The following EIPR1 variants were observed in gnomAD, a reference collection of about 807,000 sequenced individuals.
EIPR1 encodes the protein EARP complex and GARP complex interacting protein 1, also known as EARP and GARP complex-interacting protein 1.
In EIPR1, 25 loss-of-function variants were observed where a neutral mutation model predicts 48.1. That is an observed-to-expected ratio of 0.52 (90% CI 0.38 to 0.73). The LOEUF (loss-of-function observed/expected upper bound fraction) is 0.73. Among genes scored for constraint, EIPR1 ranks in the 30% least tolerant of loss-of-function variants. The pLI, the probability that EIPR1 is intolerant of heterozygous loss-of-function variation, is 0.00. For synonymous variants in EIPR1, 204 were observed against 201.9 expected, an observed-to-expected ratio of 1.01 and a Z score of -0.09; for missense variants, 415 against 506.2, an observed-to-expected ratio of 0.82 and a Z score of 1.73.
At chr2:3,329,140 T>C in intron 3 of EIPR1, among the ~76,000 whole-genome samples, 1 of 139,736 alleles carries the variant, frequency 7.2e-6, no homozygotes. Flanking sequence ...CAGCCTGGGC[T>C]CCCCTGAATC....
At chr2:3,318,829 T>C (rs1224054731) in intron 3 of EIPR1, 2 of 470,296 alleles carry the variant, frequency 4.3e-6, no homozygotes, top group Non-Finnish European at 4.4e-6. Context: ...GGAGGGGTGC[T>C]TGTTTACATA....
chr2:3,368,223 G>A (rs942403969), intron 1 of EIPR1, among the ~76,000 whole-genome samples: 1 of 152,086 alleles, frequency 6.6e-6, no homozygotes, highest in African/African-American at 2.4e-5. Context: ...CTGATCTCAG[G>A]ACTCCAGGAG....
chr2:3,246,833 GA>G (rs1666820401), intron 4 of EIPR1, among the ~76,000 whole-genome samples: 1 of 47,514 alleles, frequency 2.1e-5, no homozygotes, highest in Non-Finnish European at 4.0e-5. Flanking sequence ...GGAAGGGAGG[GA>G]AGGAGGAAGG....
chr2:3,230,033 T>A (rs1347020334), intron 4 of EIPR1, among the ~76,000 whole-genome samples: 1 of 152,226 alleles, frequency 6.6e-6, no homozygotes, highest in Non-Finnish European at 1.5e-5. Context: ...TCCCCATCCA[T>A]GAACACTGAA....
intron 3 of EIPR1, among the ~76,000 whole-genome samples, chr2:3,270,506 GCTTGGTT>G (rs547351981): frequency 1.1e-3 from 173 of 152,258 alleles, no homozygotes; most frequent in African/African-American, 3.9e-3. Context: ...CTTATTGCAG[GCTTGGTT>G]CTAGACCACC....
chr2:3,241,953 C>G (rs1666642480), intron 4 of EIPR1, among the ~76,000 whole-genome samples: 1 of 152,146 alleles, frequency 6.6e-6, no homozygotes, highest in Non-Finnish European at 1.5e-5. Flanking sequence ...CTAGGGACAC[C>G]AAGAAATTCT....
Position 3,189,841 on chromosome 2 carries a change from G to A in EIPR1, c.990-333C>T, listed in dbSNP as rs1249568517. ...ATATTTTGTTGGAGGTCTTCCAAGGGCTTCCTTTAGCTCAGGGGAAAGACT... is the reference window on the plus strand; with the variant it reads ...ATATTTTGTTGGAGGTCTTCCAAGGACTTCCTTTAGCTCAGGGGAAAGACT... On this transcript the variant is annotated intron_variant, in intron 8 of 8. Coordinates refer to ENST00000382125, the MANE Select transcript of EIPR1 (RefSeq NM_003310.5). This position sits in a 1 kb window ranked among gnomAD's most constrained non-coding sequence, Gnocchi z 4.6. 1.3e-5 allele frequency among the ~76,000 whole-genome samples: 2 copies of A among 152,194 alleles called. No homozygotes were observed. Among genetic ancestry groups the A allele is most frequent in the Non-Finnish European group, 2.9e-5 (2 of 68,020 alleles).
chr2:3,306,949 C>T (rs1266607704), intron 3 of EIPR1, among the ~76,000 whole-genome samples: 2 of 150,426 alleles, frequency 1.3e-5, no homozygotes, highest in Non-Finnish European at 3.0e-5. Context: ...TTTCAAACTC[C>T]AATCTTTTTA....
intron 3 of EIPR1, chr2:3,298,532 C>T (rs1321157857): frequency 6.6e-6 from 1 of 151,988 alleles, no homozygotes; most frequent in Non-Finnish European, 1.5e-5. Context: ...TAGGATCTTA[C>T]GATCTCGATG....
At chr2:3,219,367 C>T (rs962601525) in intron 4 of EIPR1, among the ~76,000 whole-genome samples, 2 of 148,306 alleles carry the variant, frequency 1.3e-5, no homozygotes, top group African/African-American at 5.0e-5. Context: ...GACTCAGGTG[C>T]ACACCCAACA....
intron 5 of EIPR1, among the ~76,000 whole-genome samples, chr2:3,203,644 C>T (rs921709124): frequency 4.6e-5 from 7 of 152,228 alleles, no homozygotes; most frequent in African/African-American, 1.4e-4. Context: ...GGCCCATGGT[C>T]GGCAGCGTCT....
chr2:3,239,707 C>A (rs1209158324), intron 4 of EIPR1, among the ~76,000 whole-genome samples: 2 of 151,614 alleles, frequency 1.3e-5, no homozygotes, highest in Non-Finnish European at 2.9e-5. Flanking sequence ...TGCTCATTAA[C>A]CCCCTTTCCA....
chr2:3,206,749 A>AT (rs11434595), intron 5 of EIPR1, among the ~76,000 whole-genome samples: 5,342 of 150,494 alleles, frequency 0.035, 269 homozygotes, highest in African/African-American at 0.11. Flanking sequence ...GATCAGAATT[A>AT]TTTTTTTTTT....
intron 3 of EIPR1, among the ~76,000 whole-genome samples, chr2:3,288,139 G>A (rs1199480103): frequency 6.6e-6 from 1 of 152,212 alleles, no homozygotes; most frequent in Non-Finnish European, 1.5e-5. Context: ...GGTGGGGCAG[G>A]GCCACAGTCT....
intron 3 of EIPR1, among the ~76,000 whole-genome samples, chr2:3,334,430 T>C (rs1350289259): frequency 1.3e-5 from 2 of 152,236 alleles, no homozygotes; most frequent in Non-Finnish European, 2.9e-5. Flanking sequence ...GCAAAACACA[T>C]GAAGTCTCTA....
intron 3 of EIPR1, among the ~76,000 whole-genome samples, chr2:3,278,000 C>A (rs894673782): frequency 1.3e-5 from 2 of 152,214 alleles, no homozygotes; most frequent in Non-Finnish European, 2.9e-5. Flanking sequence ...TTCAGGGCCC[C>A]AGCCCACCCT....
chr2:3,353,177 G>A (rs1405649372), intron 2 of EIPR1: 1 of 462,506 alleles, frequency 2.2e-6, no homozygotes, highest in African/African-American at 2.0e-5. Flanking sequence ...ATAGGAAAAA[G>A]CATGATATGT....
chr2:3,292,442 G>A (rs531621917), intron 3 of EIPR1, among the ~76,000 whole-genome samples: 3 of 152,264 alleles, frequency 2.0e-5, no homozygotes, highest in East Asian at 1.9e-4. Flanking sequence ...CTTCCCCCAT[G>A]CTCACCATGC....
intron 1 of EIPR1, among the ~76,000 whole-genome samples, chr2:3,361,683 C>T (rs766154173): frequency 7.9e-5 from 12 of 151,930 alleles, no homozygotes; most frequent in Non-Finnish European, 1.6e-4. Context: ...CCAACAGCCG[C>T]CTCCAGCCCC....
Sources: gnomAD v4.1 joint callset for allele counts (sites outside exome capture counted in the v4.1 genomes callset) on GRCh38, gnomAD v4.1.1 for gene constraint, Gnocchi (gnomAD v3.1) non-coding constraint, MANE v1.5 for transcripts, NCBI Gene and HGNC (gene_info 2026-07-23, HGNC 2026-07-21) for gene names.